Variants in PRKG1 observed in about 807,000 individuals in gnomAD.
The protein encoded by PRKG1 is cGMP-dependent protein kinase 1.
In PRKG1, 35 loss-of-function variants were observed where a neutral mutation model predicts 88.1. The ratio of observed to expected loss-of-function variants is 0.40; its 90% CI spans 0.30 to 0.53. PRKG1 has a LOEUF of 0.53. Among genes scored for constraint, PRKG1 ranks in the 20% least tolerant of loss-of-function variants. The pLI is 0.59. For synonymous variants in PRKG1, 303 were observed against 292.5 expected, an observed-to-expected ratio of 1.04 and a Z score of -0.37; for missense variants, 540 against 839.8, an observed-to-expected ratio of 0.64 and a Z score of 4.41.
intron 9 of PRKG1, among the ~76,000 whole-genome samples, chr10:52,212,741 A>G (rs1407141182): frequency 6.6e-6 from 1 of 152,056 alleles, no homozygotes; most frequent in Non-Finnish European, 1.5e-5. Flanking sequence ...AGTAACCTCA[A>G]TCCACGTTTT....
intron 5 of PRKG1, among the ~76,000 whole-genome samples, chr10:51,986,895 C>A (rs1234037171): frequency 1.3e-5 from 2 of 152,084 alleles, no homozygotes; most frequent in African/African-American, 2.4e-5. Context: ...ACACAACTTG[C>A]TAACAAAAGA....
At chr10:51,577,129 T>G (rs566662350) in intron 3 of PRKG1, among the ~76,000 whole-genome samples, 1 of 152,142 alleles carries the variant, frequency 6.6e-6, no homozygotes, top group South Asian at 2.1e-4. Context: ...GCTGTGAAAG[T>G]CACTTTATCT....
chr10:51,706,209 A>G (rs1320721715), intron 3 of PRKG1, among the ~76,000 whole-genome samples: 1 of 152,234 alleles, frequency 6.6e-6, no homozygotes, highest in South Asian at 2.1e-4. Context: ...TTAATTTGGT[A>G]TATAACTTTT....
In PRKG1 at chr10:51,074,827, C is replaced by T. The variant is rs773472519; in HGVS notation, c.237C>T (p.Ile79=). The T allele has an allele frequency of 4.3e-6, 7 of 1,613,512 alleles. No individual in the cohort carries two copies. In the Admixed American group the frequency reaches 1.2e-4, roughly 27 times the overall value. The change falls in exon 1 of 18, where the codon ATC becomes ATT. Residue 79 remains isoleucine, a synonymous_variant. Transcript: ENST00000373980. ...QGEPRTKRQA[I]SAEPTAFDIQ... The stretch of plus-strand genomic sequence containing the variant: ...AGCCGCGCACCAAGCGGCAGGCGAT[C>T]TCCGCCGAGCCCACCGCCTTCGACA...
At chr10:52,243,428 T>C (rs1013570931) in intron 9 of PRKG1, among the ~76,000 whole-genome samples, 12 of 152,140 alleles carry the variant, frequency 7.9e-5, no homozygotes, top group African/African-American at 2.9e-4. Context: ...ATCTCCAGAT[T>C]AGTTCCTTTA....
chr10:52,128,115 AAACTT>A, intron 7 of PRKG1: 2 of 985,312 alleles, frequency 2.0e-6, no homozygotes, highest in East Asian at 1.1e-4. Flanking sequence ...TGTGTGAACT[AAACTT>A]AACTGGGGAC....
chr10:51,151,054 C>T (rs1846059246), intron 1 of PRKG1, among the ~76,000 whole-genome samples: 1 of 150,224 alleles, frequency 6.7e-6, no homozygotes, highest in Non-Finnish European at 1.5e-5. Context: ...CTGTATGTAG[C>T]TGAACAAGTT....
At chr10:51,301,869 T>C (rs114567999) in intron 2 of PRKG1, among the ~76,000 whole-genome samples, 51 of 152,346 alleles carry the variant, frequency 3.3e-4, no homozygotes, top group African/African-American at 1.2e-3. Flanking sequence ...GTGTTGAGTA[T>C]GAGCAAAGCA....
intron 3 of PRKG1, among the ~76,000 whole-genome samples, chr10:51,661,842 A>G (rs1008935262): frequency 6.6e-5 from 10 of 152,200 alleles, no homozygotes; most frequent in Admixed American, 1.3e-4. Flanking sequence ...ATGTCCATCA[A>G]TGACAGACTG....
chr10:51,608,451 GTTC>G (rs1381909244), intron 3 of PRKG1, among the ~76,000 whole-genome samples: 2 of 152,200 alleles, frequency 1.3e-5, no homozygotes, highest in Admixed American at 6.5e-5. Flanking sequence ...TGCTGATTCA[GTTC>G]TTCTGTGAGA....
chr10:52,103,846 A>G (rs1847352640), intron 7 of PRKG1, among the ~76,000 whole-genome samples: 1 of 151,886 alleles, frequency 6.6e-6, no homozygotes, highest in Non-Finnish European at 1.5e-5. Context: ...AATTAGTTTT[A>G]AGTCAACAGT....
intron 5 of PRKG1, among the ~76,000 whole-genome samples, chr10:52,014,631 C>T (rs886696202): frequency 2.6e-5 from 4 of 152,178 alleles, no homozygotes; most frequent in African/African-American, 9.7e-5. Flanking sequence ...AGCGTTAACT[C>T]AAATGTCCAA....
intron 3 of PRKG1, among the ~76,000 whole-genome samples, chr10:51,780,298 T>A (rs1054253987): frequency 6.6e-6 from 1 of 152,096 alleles, no homozygotes; most frequent in Non-Finnish European, 1.5e-5. Flanking sequence ...ACTTTCTTCA[T>A]AAGGCACAGT....
At chr10:52,000,326 TA>T (rs1844562853) in intron 5 of PRKG1, among the ~76,000 whole-genome samples, 1 of 47,456 alleles carries the variant, frequency 2.1e-5, no homozygotes, top group Admixed American at 2.2e-4. Flanking sequence ...GAGACAGCAA[TA>T]TATATATATA....
chr10:51,733,082 AC>A (rs796782968), intron 3 of PRKG1, among the ~76,000 whole-genome samples: 7 of 152,146 alleles, frequency 4.6e-5, no homozygotes, highest in African/African-American at 1.7e-4. Flanking sequence ...AACAAAAAAA[AC>A]ACACCTCTTT....
chr10:51,958,884 G>C (rs887009376), intron 5 of PRKG1, among the ~76,000 whole-genome samples: 1 of 152,050 alleles, frequency 6.6e-6, no homozygotes, highest in East Asian at 1.9e-4. Flanking sequence ...GGGCCTTCTA[G>C]TCCAAGCCCA....
intron 4 of PRKG1, among the ~76,000 whole-genome samples, chr10:51,879,477 A>C (rs1016504789): frequency 2.6e-5 from 4 of 152,192 alleles, no homozygotes; most frequent in African/African-American, 9.6e-5. Context: ...AAAGTGCTGT[A>C]AGAGCCTGAG....
chr10:51,669,431 C>T (rs1840502295), intron 3 of PRKG1, among the ~76,000 whole-genome samples: 1 of 152,204 alleles, frequency 6.6e-6, no homozygotes. Context: ...CCAATACAGT[C>T]ACACAGGTGG....
chr10:52,037,593 C>A (rs1448983550), intron 5 of PRKG1, among the ~76,000 whole-genome samples: 1 of 152,124 alleles, frequency 6.6e-6, no homozygotes, highest in African/African-American at 2.4e-5. Context: ...AGAGCCTAAA[C>A]GCTATCTGAT....
Sources: allele counts gnomAD v4.1 joint callset (sites outside exome capture counted in the v4.1 genomes callset), GRCh38; gene constraint gnomAD v4.1.1; transcripts MANE v1.5; gene names NCBI Gene and HGNC (gene_info 2026-07-23, HGNC 2026-07-21).